FGF7: variants seen among roughly 807,000 people sequenced by gnomAD.
The protein encoded by FGF7 is fibroblast growth factor 7.
FGF7 carries 6 observed loss-of-function variants against 20.5 expected under a neutral mutation model. The ratio of observed to expected loss-of-function variants is 0.29; its 90% CI spans 0.16 to 0.58. The LOEUF is 0.58. Among genes scored for constraint, FGF7 ranks in the 20% least tolerant of loss-of-function variants. The pLI is 0.90. For missense variants in FGF7, 144 were observed against 228.8 expected (o/e 0.63, Z 2.39); for synonymous variants, 64 against 74.7 (o/e 0.86, Z 0.74).
chr15:49,424,737 C>A, intron 2 of FGF7, 154 bp downstream of exon 2: 5 of 558,904 alleles, frequency 8.9e-6, no homozygotes, highest in Non-Finnish European at 1.2e-5. Flanking sequence ...TTGAACTATG[C>A]CCCTAAAAAT....
chr15:49,464,121 TGAAG>T (rs2054056005), intron 2 of FGF7, among the ~76,000 whole-genome samples: 1 of 152,144 alleles, frequency 6.6e-6, no homozygotes, highest in Non-Finnish European at 1.5e-5. Flanking sequence ...ATAAGCCTCA[TGAAG>T]GATGGGTTAG....
chr15:49,445,278 C>G (rs1483998528), intron 2 of FGF7, among the ~76,000 whole-genome samples: 2 of 151,740 alleles, frequency 1.3e-5, no homozygotes, highest in South Asian at 4.2e-4. Flanking sequence ...ACATCTCTAC[C>G]TCCTGCTAGT....
At position 49,479,554 on chromosome 15, in the gene FGF7, C is replaced by T. The variant is rs1195359003; in HGVS notation, c.287-3597C>T. Among the ~76,000 whole-genome samples, 8 of 142,040 alleles carry T rather than the reference C, an allele frequency of 5.6e-5. 1 individual carries two copies. In the South Asian group the frequency reaches 6.9e-4, roughly 12 times the overall value. The allele number at this position is 142,040 out of a possible 152,430, so 93.2% of individuals were successfully genotyped here. On this transcript the variant is annotated intron_variant, in intron 2 of 3. Transcript: ENST00000267843. ...TTCTATTATGTTTTCTGAGCAACTT[C>T]GTGGCTTCTGATTTGGAGGGTAGGA... is the stretch of plus-strand genomic sequence containing the variant.
intron 2 of FGF7, among the ~76,000 whole-genome samples, chr15:49,466,586 C>T (rs562021559): frequency 3.3e-5 from 5 of 152,158 alleles, no homozygotes; most frequent in African/African-American, 4.8e-5. Context: ...TAACATATAT[C>T]TTATGAATAC....
chr15:49,453,935 T>G (rs1274267562), intron 2 of FGF7, among the ~76,000 whole-genome samples: 1 of 152,160 alleles, frequency 6.6e-6, no homozygotes, highest in African/African-American at 2.4e-5. Flanking sequence ...CTAGCTCCCA[T>G]TTTTAATCAC....
intron 2 of FGF7, among the ~76,000 whole-genome samples, chr15:49,429,010 C>A: frequency 6.6e-6 from 1 of 151,576 alleles, no homozygotes; most frequent in East Asian, 2.0e-4. Context: ...TCCTACTTAA[C>A]AATAATGTGT....
chr15:49,464,163 T>G (rs999276332), intron 2 of FGF7, among the ~76,000 whole-genome samples: 1 of 151,964 alleles, frequency 6.6e-6, no homozygotes, highest in Non-Finnish European at 1.5e-5. Context: ...TAAACGAGGG[T>G]GTAGGGAGGG....
At chr15:49,475,007 T>C (rs2055128154) in intron 2 of FGF7, among the ~76,000 whole-genome samples, 1 of 151,392 alleles carries the variant, frequency 6.6e-6, no homozygotes, top group Non-Finnish European at 1.5e-5. Context: ...AAAGATAGAA[T>C]AAACTATATT....
intron 2 of FGF7, among the ~76,000 whole-genome samples, chr15:49,431,307 T>C (rs1402481912): frequency 6.6e-6 from 1 of 151,838 alleles, no homozygotes; most frequent in Non-Finnish European, 1.5e-5. Context: ...TTGGACCAAG[T>C]TTTTTATCTG....
intron 2 of FGF7, among the ~76,000 whole-genome samples, chr15:49,452,566 T>C (rs992209378): frequency 6.6e-6 from 1 of 152,170 alleles, no homozygotes. Context: ...CAAGTTATTA[T>C]TGTTTATTTA....
intron 2 of FGF7, among the ~76,000 whole-genome samples, chr15:49,440,766 A>G (rs894734069): frequency 6.6e-6 from 1 of 151,812 alleles, no homozygotes; most frequent in African/African-American, 2.4e-5. Context: ...CAGAGTCAGG[A>G]CCTGAACTCA....
intron 2 of FGF7, 99 bp from the exon 3 acceptor site, chr15:49,483,052 A>G (rs1456402888): frequency 7.9e-6 from 6 of 762,614 alleles, no homozygotes; most frequent in Admixed American, 1.8e-5. Context: ...AAAATTTTAA[A>G]AACTTCCGAT....
intron 2 of FGF7, among the ~76,000 whole-genome samples, chr15:49,434,912 A>C (rs892274806): frequency 1.5e-4 from 22 of 151,590 alleles, no homozygotes; most frequent in African/African-American, 5.3e-4. Flanking sequence ...TTTTCCTTTA[A>C]AGGGAAATTT....
chr15:49,480,464 T>C (rs1159602479), intron 2 of FGF7, among the ~76,000 whole-genome samples: 2 of 143,200 alleles, frequency 1.4e-5, no homozygotes, highest in East Asian at 4.2e-4. Context: ...TGCACCACCA[T>C]GCCCAACTAA....
chr15:49,439,606 C>T (rs2051440494), intron 2 of FGF7, among the ~76,000 whole-genome samples: 1 of 151,594 alleles, frequency 6.6e-6, no homozygotes, highest in South Asian at 2.1e-4. Context: ...AGAAACAGAG[C>T]AATAAGTTTG....
intron 2 of FGF7, among the ~76,000 whole-genome samples, chr15:49,468,908 T>C (rs1281386677): frequency 6.6e-6 from 1 of 152,144 alleles, no homozygotes; most frequent in Non-Finnish European, 1.5e-5. Context: ...TTTGGGCTTT[T>C]TCTATTTCAC....
intron 2 of FGF7, among the ~76,000 whole-genome samples, chr15:49,482,707 C>T (rs1011844340): frequency 1.3e-5 from 2 of 152,080 alleles, no homozygotes; most frequent in African/African-American, 4.8e-5. Context: ...TTTCTCTGTG[C>T]TTCAGTTTCC....
intron 2 of FGF7, among the ~76,000 whole-genome samples, chr15:49,429,502 A>G (rs184219318): frequency 2.1e-3 from 321 of 152,018 alleles, no homozygotes; most frequent in South Asian, 6.8e-3. Flanking sequence ...CTTATGACTC[A>G]GCTGTACAAT....
intron 2 of FGF7, among the ~76,000 whole-genome samples, chr15:49,474,741 GATTAGCTGTGGC>G (rs2055089982): frequency 6.6e-6 from 1 of 152,162 alleles, no homozygotes; most frequent in Non-Finnish European, 1.5e-5. Context: ...CCTCCTGTCA[GATTAGCTGTGGC>G]ATTAGAATCT....
Sources: allele counts gnomAD v4.1 joint callset (sites outside exome capture counted in the v4.1 genomes callset), GRCh38; gene constraint gnomAD v4.1.1; transcripts MANE v1.5; gene names NCBI Gene and HGNC (gene_info 2026-07-23, HGNC 2026-07-21).